NCOR2: variants seen among roughly 807,000 people sequenced by gnomAD.
The protein encoded by NCOR2 is CTG repeat protein 26.
NCOR2 carries 81 observed loss-of-function variants against 262.9 expected under a neutral mutation model. The observed-to-expected ratio is 0.31, with a 90% CI of 0.26 to 0.37. The LOEUF (loss-of-function observed/expected upper bound fraction) is 0.37. Ranked by LOEUF, NCOR2 falls within the 10% of genes least tolerant of loss-of-function variation. NCOR2 has a pLI of 1.00. For missense variants in NCOR2, 3,385 were observed against 3,621.4 expected (o/e 0.93, Z 1.68); for synonymous variants, 1,659 against 1,559.3 (o/e 1.06, Z -1.51).
intron 1 of NCOR2, among the ~76,000 whole-genome samples, chr12:124,488,423 C>T (rs183427212): frequency 4.1e-4 from 63 of 152,350 alleles, no homozygotes; most frequent in African/African-American, 1.5e-3. Context: ...CTCAGTTTCT[C>T]CTCTTTGAAA....
At position 124,503,601 on chromosome 12, in the gene NCOR2, T is replaced by TGGACGGAC. The variant is rs778870402; in HGVS notation, c.-117-8241_-117-8234dup. 9.1e-5 allele frequency among the ~76,000 whole-genome samples: 12 copies of TGGACGGAC among 131,890 alleles called. No homozygotes were observed. The highest frequency in any genetic ancestry group is 3.3e-4 in the African/African-American group (11 of 33,048). The allele number at this position is 131,890 out of a possible 152,430, so 86.5% of individuals were successfully genotyped here. On this transcript the variant is annotated intron_variant, in intron 1 of 46. Transcript: ENST00000404621. The surrounding 1 kb of genome is among the most constrained non-coding windows in gnomAD (Gnocchi z 4.3). ...ACGGACGGATGGACGGATGGATGGATGGACGGACGGACGGATGGATGGATG... is the reference window on the plus strand; with the variant it reads ...ACGGACGGATGGACGGATGGATGGATGGACGGACGGACGGACGGACGGATGGATGGATG...
intron 22 of NCOR2, among the ~76,000 whole-genome samples, chr12:124,358,970 C>T (rs187376294): frequency 9.2e-5 from 14 of 152,386 alleles, no homozygotes; most frequent in East Asian, 7.7e-4. Flanking sequence ...ATAGCGGCTT[C>T]GAACCCAGGC....
rs2047539454 is a variant in NCOR2, at chr12:124,482,344, C to T, written c.411+1252G>A. ...AGAGCAGGAGGGGAAGCCCAGCCAT[C>T]CCAGCCCCAGGACGGCACCCCCACC... On this transcript the variant is annotated intron_variant, in intron 3 of 46. Coordinates refer to ENST00000405201, the Ensembl canonical transcript of NCOR2. The surrounding 1 kb of genome is among the most constrained non-coding windows in gnomAD (Gnocchi z 6.3). 6.6e-6 allele frequency among the ~76,000 whole-genome samples: 1 copy of T among 152,066 alleles called. No homozygotes were observed. Among genetic ancestry groups the T allele is most frequent in the Non-Finnish European group, 1.5e-5 (1 of 67,988 alleles).
chr12:124,429,854 C>T (rs567381847), intron 9 of NCOR2, 148 bp from the exon 12 acceptor site: 4 of 737,710 alleles, frequency 5.4e-6, no homozygotes, highest in Non-Finnish European at 8.8e-6. Flanking sequence ...CACCCGGGGT[C>T]CTGGGGAGGC....
exon 16 of NCOR2, chr12:124,398,153 G>A: frequency 6.2e-7 from 1 of 1,614,242 alleles, no homozygotes; most frequent in Non-Finnish European, 8.5e-7. Context: ...CTTCTGTCCA[G>A]CGAGAACTCT....
chr12:124,394,224 C>T lies in NCOR2; in HGVS notation c.1876+3895G>A, dbSNP rs114716329. Among the ~76,000 whole-genome samples, 816 of 152,298 alleles carry T rather than the reference C, an allele frequency of 5.4e-3. 7 individuals are homozygous for T. The highest frequency in any genetic ancestry group is 0.019 in the African/African-American group (780 of 41,564). On this transcript the variant is annotated intron_variant, in intron 16 of 46. Coordinates refer to ENST00000405201, the Ensembl canonical transcript of NCOR2. Reference sequence around the variant, plus strand: ...AGGACTGTTCCTATGTGGCTCGCTCCGTCTTTAAAGTGCCCCTGGGAGGTA... The same window carrying T: ...AGGACTGTTCCTATGTGGCTCGCTCTGTCTTTAAAGTGCCCCTGGGAGGTA...
At chr12:124,488,738 A>G (rs1311925969) in intron 1 of NCOR2, among the ~76,000 whole-genome samples, 1 of 152,224 alleles carries the variant, frequency 6.6e-6, no homozygotes, top group African/African-American at 2.4e-5. Context: ...ACAGTCTGCC[A>G]GGAGGATCCT....
At chr12:124,453,449 C>CA (rs1032188662) in intron 6 of NCOR2, among the ~76,000 whole-genome samples, 1 of 152,194 alleles carries the variant, frequency 6.6e-6, no homozygotes, top group Non-Finnish European at 1.5e-5. Context: ...CCTCTAAAAT[C>CA]AGAGGCACAG....
At chr12:124,462,766 G>C (rs2046234745) in intron 5 of NCOR2, among the ~76,000 whole-genome samples, 1 of 152,230 alleles carries the variant, frequency 6.6e-6, no homozygotes, top group Admixed American at 6.5e-5. Context: ...TCTACTGAAT[G>C]CTTCACGTTC....
At chr12:124,540,292 A>G (rs1566039631), upstream of NCOR2, among the ~76,000 whole-genome samples, 1 of 149,460 alleles carries the variant, frequency 6.7e-6, no homozygotes. Context: ...GGGCCGAGGA[A>G]CAGGTGTCCA....
intron 1 of NCOR2, chr12:124,518,133 C>G (rs892531442): frequency 1.3e-5 from 2 of 152,350 alleles, no homozygotes; most frequent in Non-Finnish European, 2.9e-5. Flanking sequence ...CCGGCGACTT[C>G]TCTTACCCGA....
intron 16 of NCOR2, among the ~76,000 whole-genome samples, chr12:124,397,597 G>A (rs531664925): frequency 3.3e-5 from 5 of 152,290 alleles, no homozygotes; most frequent in East Asian, 3.9e-4. Flanking sequence ...TCCAGAACCC[G>A]TCACCCAGAT....
At chr12:124,466,963 TCCTCATCAC>T (rs2046447267) in intron 4 of NCOR2, among the ~76,000 whole-genome samples, 1 of 150,992 alleles carries the variant, frequency 6.6e-6, no homozygotes, top group African/African-American at 2.4e-5. Context: ...ATCATCCTCA[TCCTCATCAC>T]CCCCATCATC....
Position 124,495,089 on chromosome 12 carries a change from T to A in NCOR2, c.105+58A>T. ...GAGAAAGGAAGGGGTGAAGACTCAG[T>A]GGAATGGAAGAAGGGTCTCAAAGGT... On this transcript the variant is annotated intron_variant, in intron 1 of 46. Coordinates refer to ENST00000405201, the Ensembl canonical transcript of NCOR2. This position sits in a 1 kb window ranked among gnomAD's most constrained non-coding sequence, Gnocchi z 4.4. 6.3e-7 allele frequency: 1 copy of A among 1,585,950 alleles called. No individual in the cohort carries two copies. The highest frequency in any genetic ancestry group is 1.1e-5 in the South Asian group (1 of 87,976).
At chr12:124,372,099 G>A (rs571479738) in exon 20 of NCOR2, 24 of 1,602,814 alleles carry the variant, frequency 1.5e-5, no homozygotes, top group Middle Eastern at 1.7e-4. Flanking sequence ...CCTGGGGGGC[G>A]CCCGAGCTCT....
rs772907809 is a variant in NCOR2 at position 124,346,730 on chromosome 12, T to C, written c.4193A>G (p.Lys1398Arg). ...CTTCAGGGGGCCCAGGGCCTGCGTC[T>C]TGTAGGCCTCGGTCAGGTCCCGTGA... is the stretch of plus-strand genomic sequence containing the variant. The change falls in exon 31 of 47, where the codon AAG becomes AGG. Residue 1398 changes from lysine to arginine, a missense_variant. Physicochemically the swap from Lys to Arg is conservative, Grantham distance 26. Around this residue, in one of 5 missense-constraint regions of NCOR2, gnomAD observed 1,615 missense variants for 1,626.9 expected, o/e 0.99. Transcript: ENST00000405201. 1.6e-5 allele frequency: 25 copies of C among 1,562,352 alleles called. No homozygotes were observed. In the African/African-American group the frequency reaches 2.2e-4, roughly 14 times the overall value.
At chr12:124,472,713 G>A (rs1392021638) in intron 4 of NCOR2, among the ~76,000 whole-genome samples, 9 of 152,152 alleles carry the variant, frequency 5.9e-5, no homozygotes, top group South Asian at 2.1e-4. Context: ...TTCCTCAGTC[G>A]CAGTAGGCAC....
Position 124,483,614 on chromosome 12 carries a change from TC to T in NCOR2, c.392del (p.Gly131AspfsTer11). ...GGCTTACCTTGGTGAGGTCTTCAGA[TC>T]CCGCAGGCTGGCCCGTGGCCAGCAG... On this transcript the variant is annotated frameshift_variant, in exon 3 of 47. Coordinates refer to ENST00000405201, the Ensembl canonical transcript of NCOR2. LOFTEE classifies it high-confidence loss of function. The surrounding 1 kb of genome is among the most constrained non-coding windows in gnomAD (Gnocchi z 6.3). The T allele has an allele frequency of 1.2e-6, 2 of 1,605,004 alleles. No individual in the cohort carries two copies. Among genetic ancestry groups the T allele is most frequent in the Non-Finnish European group, 1.7e-6 (2 of 1,176,164 alleles).
In NCOR2 at chr12:124,389,987, T is replaced by C. The variant is rs1274559865; in HGVS notation, c.1877-4100A>G. ...CTGGGATCATTAACCTGCTTTTCCC[T>C]TTAACTCCCAGCCCTTCCATCCTGC... On this transcript the variant is annotated intron_variant, in intron 16 of 46. Coordinates refer to ENST00000405201, the Ensembl canonical transcript of NCOR2. This position sits in a 1 kb window ranked among gnomAD's most constrained non-coding sequence, Gnocchi z 4.4. Among the ~76,000 whole-genome samples the C allele has an allele frequency of 6.6e-6, 1 of 152,136 alleles. No homozygotes were observed. Among genetic ancestry groups the C allele is most frequent in the East Asian group, 1.9e-4 (1 of 5,182 alleles).
Sources: allele counts gnomAD v4.1 joint callset (sites outside exome capture counted in the v4.1 genomes callset), GRCh38; gene constraint gnomAD v4.1.1; regional missense constraint gnomAD v4.1.1; non-coding constraint Gnocchi (gnomAD v3.1); transcripts MANE v1.5; gene names NCBI Gene and HGNC (gene_info 2026-07-23, HGNC 2026-07-21).